FRYL: variants seen among roughly 807,000 people sequenced by gnomAD.
FRYL encodes the protein FRY like transcription coactivator.
In FRYL, 150 loss-of-function variants were observed where a neutral mutation model predicts 351.2. That is an observed-to-expected ratio of 0.43 (90% CI 0.37 to 0.49). FRYL has a LOEUF of 0.49. FRYL is among the 20% of genes least tolerant of loss of function. The pLI, the probability that FRYL is intolerant of heterozygous loss-of-function variation, is 0.00. For synonymous variants in FRYL, 1,153 were observed against 1,257.1 expected (o/e 0.92, Z 1.75); for missense variants, 3,036 against 3,619.3 (o/e 0.84, Z 4.13).
At chr4:48,535,912 GAAAT>G (rs1234370966) in intron 47 of FRYL, 85 bp from the exon 48 acceptor site, 3 of 1,076,178 alleles carry the variant, frequency 2.8e-6, no homozygotes, top group African/African-American at 3.3e-5. Context: ...TTCGCTTAAT[GAAAT>G]AATTTAGATG....
chr4:48,594,505 C>T (rs1187387533), intron 15 of FRYL, among the ~76,000 whole-genome samples: 1 of 152,052 alleles, frequency 6.6e-6, no homozygotes, highest in Non-Finnish European at 1.5e-5. Context: ...GGAGTGGGTA[C>T]AATTCTGGAA....
chr4:48,531,334 G>A lies in FRYL; in HGVS notation c.6725C>T (p.Ala2242Val), dbSNP rs1360371499. Residue 2242 changes from alanine (A) to valine (V), a missense_variant, in exon 50 of 64, where the codon GCC (alanine) becomes GTC (valine). Coordinates refer to ENST00000358350, the MANE Select transcript of FRYL (RefSeq NM_015030.2). ...KYVQSPYWKE[A>V]LNILKLVVSR... ...CACCACCAGCTTTAATATGTTAAGG[G>A]CTTCCTTCCAGTAAGGACTCTGGTT... 5.0e-6 allele frequency: 8 copies of A among 1,612,944 alleles called. No individual in the cohort carries two copies. Among genetic ancestry groups the A allele is most frequent in the Non-Finnish European group, 6.8e-6 (8 of 1,179,286 alleles).
intron 4 of FRYL, 148 bp downstream of exon 4, chr4:48,634,143 T>C (rs1753784847): frequency 5.0e-6 from 3 of 601,112 alleles, no homozygotes; most frequent in Non-Finnish European, 8.7e-6. Context: ...CTTATCAAAG[T>C]GGATTCTAAA....
chr4:48,771,851 A>C (rs565859855), intron 1 of FRYL, among the ~76,000 whole-genome samples: 22 of 152,298 alleles, frequency 1.4e-4, no homozygotes, highest in African/African-American at 4.3e-4. Context: ...GAAAACATCA[A>C]ATTATAAAGA....
intron 5 of FRYL, among the ~76,000 whole-genome samples, chr4:48,622,159 C>T (rs1425405301): frequency 6.6e-6 from 1 of 151,960 alleles, no homozygotes; most frequent in Non-Finnish European, 1.5e-5. Context: ...TAATCATTTA[C>T]AATAAAAATG....
chr4:48,711,852 T>C (rs1201857684), intron 1 of FRYL, among the ~76,000 whole-genome samples: 2 of 152,068 alleles, frequency 1.3e-5, no homozygotes, highest in Non-Finnish European at 2.9e-5. Context: ...CACGGCCGGG[T>C]ACTCCTCTGA....
chr4:48,601,209 T>A lies in FRYL; in HGVS notation c.1035+811A>T, dbSNP rs528962927. Among the ~76,000 whole-genome samples, 7 of 152,302 alleles carry A rather than the reference T, an allele frequency of 4.6e-5. 1 individual carries two copies. In the South Asian group the frequency reaches 6.2e-4, roughly 14 times the overall value. ...AAAGTATAAGGTTTTCAGTCTCAAG[T>A]CTAACTTAGAGGAATACCAGGAAAT... On this transcript the variant is annotated intron_variant, in intron 13 of 63. Coordinates refer to ENST00000358350, the MANE Select transcript of FRYL (RefSeq NM_015030.2).
At chr4:48,624,276 A>C (rs748092658) in intron 4 of FRYL, among the ~76,000 whole-genome samples, 20 of 152,096 alleles carry the variant, frequency 1.3e-4, no homozygotes, top group Non-Finnish European at 2.4e-4. Context: ...TTTTTACTGA[A>C]CAAACAAATA....
At chr4:48,525,237 T>C (rs1356151990) in intron 53 of FRYL, among the ~76,000 whole-genome samples, 1 of 150,194 alleles carries the variant, frequency 6.7e-6, no homozygotes, top group Non-Finnish European at 1.5e-5. Context: ...TAACTGTGGA[T>C]TAGTGTCAAA....
At position 48,581,469 on chromosome 4, in the gene FRYL, C is replaced by CTG; in HGVS notation, c.2121_2122dup (p.Ser708ThrfsTer23). The CTG allele has an allele frequency of 6.2e-7, 1 of 1,613,770 alleles. No individual in the cohort carries two copies. The highest frequency in any genetic ancestry group is 8.5e-7 in the Non-Finnish European group (1 of 1,179,908). On this transcript the variant is annotated frameshift_variant, in exon 21 of 64. Transcript: ENST00000358350. LOFTEE classifies it high-confidence loss of function. ...TAAAGCCCGTATTTCTCTAAGGACA[C>CTG]TGACGGCTAGTCTCCTAGTGGCAGG...
rs761404580 is a variant in FRYL at position 48,540,011 on chromosome 4, G to T, written c.6353C>A (p.Pro2118Gln). The T allele has an allele frequency of 5.4e-5, 87 of 1,613,036 alleles. No homozygotes were observed. Among genetic ancestry groups the T allele is most frequent in the Non-Finnish European group, 7.4e-5 (87 of 1,179,564 alleles). ...LPHLIQHFDS[P>Q]TQFCKETASR... Reference sequence around the variant, plus strand: ...AGCTGTTTCTTTGCAAAACTGAGTTGGGCTGTCAAAATGCTGGATTAAGTG... The same window carrying T: ...AGCTGTTTCTTTGCAAAACTGAGTTTGGCTGTCAAAATGCTGGATTAAGTG... Residue 2118 changes from proline to glutamine, a missense_variant, in exon 47 of 64, where the codon CCA (proline) becomes CAA (glutamine). Pro to Gln is a moderately conservative substitution (Grantham distance 76). Coordinates refer to ENST00000358350, the MANE Select transcript of FRYL (RefSeq NM_015030.2).
At chr4:48,613,918 T>C (rs1049426738) in intron 7 of FRYL, among the ~76,000 whole-genome samples, 1 of 147,158 alleles carries the variant, frequency 6.8e-6, no homozygotes, top group Non-Finnish European at 1.5e-5. Flanking sequence ...ATTGCCCCAC[T>C]GTACTCCTGC....
intron 50 of FRYL, among the ~76,000 whole-genome samples, chr4:48,529,024 C>T (rs997385473): frequency 2.0e-4 from 31 of 152,286 alleles, no homozygotes; most frequent in African/African-American, 7.2e-4. Flanking sequence ...GCCTCAACTA[C>T]GACCACTTCC....
intron 4 of FRYL, among the ~76,000 whole-genome samples, chr4:48,624,773 A>T (rs1374233826): frequency 2.6e-5 from 4 of 152,194 alleles, no homozygotes; most frequent in Non-Finnish European, 5.9e-5. Context: ...TTAACATGTG[A>T]ATCAGGAGCC....
intron 30 of FRYL, 26 bp from the exon 31 acceptor site, chr4:48,564,128 G>C: frequency 6.2e-7 from 1 of 1,611,176 alleles, no homozygotes; most frequent in Non-Finnish European, 8.5e-7. Context: ...GAAATTGCCC[G>C]AGAGAGAACG....
At chr4:48,771,103 G>A (rs2109414705) in intron 1 of FRYL, among the ~76,000 whole-genome samples, 2 of 152,162 alleles carry the variant, frequency 1.3e-5, no homozygotes, top group Middle Eastern at 6.8e-3. Context: ...CATTCCTAAG[G>A]ACATTCTAGC....
intron 1 of FRYL, among the ~76,000 whole-genome samples, chr4:48,751,697 C>T (rs77157687): frequency 0.018 from 2,776 of 152,154 alleles, 84 homozygotes; most frequent in African/African-American, 0.063. Flanking sequence ...GTTCAAAAGA[C>T]AGAATAATTA....
At chr4:48,690,979 T>C (rs570707250) in intron 2 of FRYL, among the ~76,000 whole-genome samples, 1 of 152,326 alleles carries the variant, frequency 6.6e-6, no homozygotes, top group Admixed American at 6.5e-5. Flanking sequence ...AAAGTTTGTC[T>C]TTCCTCTTTT....
chr4:48,745,953 TTAGAG>T (rs1156603468), intron 1 of FRYL, among the ~76,000 whole-genome samples: 1 of 152,142 alleles, frequency 6.6e-6, no homozygotes, highest in Non-Finnish European at 1.5e-5. Flanking sequence ...ACTCAGTATC[TTAGAG>T]TAAATAAAAA....
Sources: gnomAD v4.1 joint callset for allele counts (sites outside exome capture counted in the v4.1 genomes callset) on GRCh38, gnomAD v4.1.1 for gene constraint, MANE v1.5 for transcripts, NCBI Gene and HGNC (gene_info 2026-07-23, HGNC 2026-07-21) for gene names.